Variants in ZMYND8 observed in about 807,000 individuals in gnomAD.
ZMYND8 encodes MYND-type zinc finger-containing chromatin reader ZMYND8.
ZMYND8 carries 37 observed loss-of-function variants against 140.8 expected under a neutral mutation model. The ratio of observed to expected loss-of-function variants is 0.26; its 90% CI spans 0.20 to 0.35. The LOEUF is 0.35. ZMYND8 is among the 10% of genes least tolerant of loss of function. The pLI is 1.00. For missense variants in ZMYND8, 1,068 were observed against 1,570.0 expected (o/e 0.68, Z 5.40); for synonymous variants, 592 against 597.1 (o/e 0.99, Z 0.12).
intron 1 of ZMYND8, among the ~76,000 whole-genome samples, chr20:47,349,638 G>A (rs2082610437): frequency 6.6e-6 from 1 of 152,148 alleles, no homozygotes; most frequent in African/African-American, 2.4e-5. Context: ...TGCAGCCCTC[G>A]GAGATGGGTA....
At chr20:47,354,200 T>A (rs528579588) in intron 1 of ZMYND8, 68 of 152,300 alleles carry the variant, frequency 4.5e-4, no homozygotes, top group African/African-American at 1.6e-3. Flanking sequence ...GTTGGGAACT[T>A]GCTGGGGGCT....
At chr20:47,280,079 C>T (rs928683915) in intron 10 of ZMYND8, among the ~76,000 whole-genome samples, 10 of 149,730 alleles carry the variant, frequency 6.7e-5, no homozygotes, top group South Asian at 2.1e-4. Context: ...GCCGAGAGCT[C>T]GCCACTGCAC....
At chr20:47,225,235 A>G (rs1266587790) in intron 18 of ZMYND8, among the ~76,000 whole-genome samples, 2 of 152,110 alleles carry the variant, frequency 1.3e-5, no homozygotes, top group Non-Finnish European at 2.9e-5. Context: ...GTCCACTGGT[A>G]ATTCATTTAG....
intron 1 of ZMYND8, chr20:47,348,313 T>A (rs2082497137): frequency 3.9e-6 from 1 of 254,442 alleles, no homozygotes; most frequent in Admixed American, 5.4e-5. Flanking sequence ...TTGCAGGGTA[T>A]CCAGAATTCT....
intron 13 of ZMYND8, among the ~76,000 whole-genome samples, chr20:47,246,939 G>A (rs2040630068): frequency 6.6e-6 from 1 of 152,110 alleles, no homozygotes; most frequent in South Asian, 2.1e-4. Flanking sequence ...ACACAAGACA[G>A]AGGCCAGGCC....
At chr20:47,211,392 G>A (rs551585749) in intron 22 of ZMYND8, among the ~76,000 whole-genome samples, 53 of 152,250 alleles carry the variant, frequency 3.5e-4, no homozygotes, top group Non-Finnish European at 7.4e-4. Context: ...TCCACCCAAG[G>A]GAAAGGATCA....
At position 47,298,258 on chromosome 20, in the gene ZMYND8, T is replaced by C. The variant is rs767874404; in HGVS notation, c.453+471A>G. ...CACCTAATAGGCACTCAAGAAATAC[T>C]TGTTGCACAAAAGAAAGCACCAGAC... On this transcript the variant is annotated intron_variant, in intron 4 of 22. Transcript: ENST00000471951. The surrounding 1 kb of genome is among the most constrained non-coding windows in gnomAD (Gnocchi z 5.0). 3 of 985,234 alleles carry C rather than the reference T, an allele frequency of 3.0e-6. No homozygotes were observed. The highest frequency in any genetic ancestry group is 3.6e-6 in the Non-Finnish European group (3 of 829,810). The allele number at this position is 985,234 out of a possible 1,614,324, so 61.0% of individuals were successfully genotyped here.
chr20:47,237,150 CTTTTTT>C (rs888571132), intron 15 of ZMYND8, among the ~76,000 whole-genome samples: 3 of 140,674 alleles, frequency 2.1e-5, no homozygotes, highest in African/African-American at 8.2e-5. Flanking sequence ...TGGCAGCGCT[CTTTTTT>C]TTTTTTTTGA....
rs1180422101 is a variant in ZMYND8 at position 47,276,414 on chromosome 20, C to T, written c.1380G>A (p.Val460=). 9 of 1,613,766 alleles carry T rather than the reference C, an allele frequency of 5.6e-6. No homozygotes were observed. In the South Asian group the frequency reaches 9.9e-5, roughly 18 times the overall value. ...PRSPMSTNSS[V]HTGSDVEQDA... is the part of the protein sequence containing the mutation. The stretch of plus-strand genomic sequence containing the variant: ...CCTGCTCCACGTCGGAGCCCGTGTG[C>T]ACAGAAGAGTTTGTGCTCATGGGGG... Residue 460 remains valine, a synonymous_variant, in exon 11 of 23, where the codon GTG becomes GTA. Coordinates refer to ENST00000471951, the MANE Select transcript of ZMYND8 (RefSeq NM_001281775.3).
At chr20:47,309,384 C>A (rs2078744104) in intron 3 of ZMYND8, among the ~76,000 whole-genome samples, 1 of 152,064 alleles carries the variant, frequency 6.6e-6, no homozygotes, top group Admixed American at 6.5e-5. Flanking sequence ...CGGCTCACTG[C>A]AACCTCCGCC....
chr20:47,228,777 G>C (rs1375324379), intron 17 of ZMYND8, among the ~76,000 whole-genome samples: 1 of 152,102 alleles, frequency 6.6e-6, no homozygotes, highest in African/African-American at 2.4e-5. Flanking sequence ...GCTCTGCAAA[G>C]GATTCCCACA....
Position 47,355,045 on chromosome 20 carries a change from T to TACC in ZMYND8, c.14+1609_14+1611dup, listed in dbSNP as rs541805961. On this transcript the variant is annotated intron_variant, in intron 1 of 22. Coordinates refer to ENST00000471951, the MANE Select transcript of ZMYND8 (RefSeq NM_001281775.3). Reference sequence around the variant, plus strand: ...TGACACCACCCCCCCAACACACACATACCACCACCACCACCAGCTTCTACA... The same window carrying TACC: ...TGACACCACCCCCCCAACACACACATACCACCACCACCACCACCAGCTTCTACA... Among the ~76,000 whole-genome samples, 58 of 151,974 alleles carry TACC rather than the reference T, an allele frequency of 3.8e-4. 1 individual carries two copies. In the East Asian group the frequency reaches 0.011, roughly 29 times the overall value.
At chr20:47,268,308 T>TTC (rs1432619526) in intron 11 of ZMYND8, among the ~76,000 whole-genome samples, 12 of 143,506 alleles carry the variant, frequency 8.4e-5, no homozygotes, top group Middle Eastern at 3.7e-3. Flanking sequence ...TTTTTTTTTT[T>TTC]TTCAGAAGGG....
chr20:47,216,576 G>A (rs7266681), intron 21 of ZMYND8, among the ~76,000 whole-genome samples: 3,252 of 150,058 alleles, frequency 0.022, 116 homozygotes, highest in African/African-American at 0.076. Context: ...GGAGGCCAAG[G>A]CACGTGAAAT....
At position 47,238,971 on chromosome 20, in the gene ZMYND8, G is replaced by A; in HGVS notation, c.2452C>T (p.Pro818Ser). 2.5e-6 allele frequency: 4 copies of A among 1,610,990 alleles called. No homozygotes were observed. Among genetic ancestry groups the A allele is most frequent in the Non-Finnish European group, 3.4e-6 (4 of 1,177,268 alleles). Residue 818 changes from proline (P) to serine (S), a missense_variant, in exon 15 of 23, where the codon CCA (proline) becomes TCA (serine). Transcript: ENST00000471951. ...TAPAPAATGS[P>S]VKKQRPLLPK... ...AAAAGCGGCCTCTGCTTTTTCACTG[G>A]GCTTCCTGTGGCGGCGGGGGCCGGG... is the stretch of plus-strand genomic sequence containing the variant.
chr20:47,342,921 AAG>A (rs1249992607), intron 2 of ZMYND8, among the ~76,000 whole-genome samples: 4 of 152,196 alleles, frequency 2.6e-5, no homozygotes, highest in African/African-American at 9.6e-5. Flanking sequence ...GGCTGAGGCA[AAG>A]ACATACAAAA....
chr20:47,220,156 AAACCATTGG>A, intron 21 of ZMYND8, 93 bp downstream of exon 21: 2 of 991,290 alleles, frequency 2.0e-6, no homozygotes, highest in South Asian at 2.9e-5. Flanking sequence ...AATCGTTTGG[AAACCATTGG>A]AATAAACCCT....
intron 1 of ZMYND8, among the ~76,000 whole-genome samples, chr20:47,350,244 G>A (rs964229704): frequency 5.4e-5 from 8 of 148,618 alleles, no homozygotes; most frequent in East Asian, 4.0e-4. Context: ...AAAGGAACCC[G>A]TGCACACACA....
chr20:47,302,950 C>T (rs757211064), intron 3 of ZMYND8, among the ~76,000 whole-genome samples: 3 of 152,112 alleles, frequency 2.0e-5, no homozygotes, highest in Non-Finnish European at 4.4e-5. Flanking sequence ...TTGTGGGAGA[C>T]GTCCTGTGCA....
Sources: gnomAD v4.1 joint callset for allele counts (sites outside exome capture counted in the v4.1 genomes callset) on GRCh38, gnomAD v4.1.1 for gene constraint, Gnocchi (gnomAD v3.1) non-coding constraint, MANE v1.5 for transcripts, NCBI Gene and HGNC (gene_info 2026-07-23, HGNC 2026-07-21) for gene names.